The following MTUS2 variants were observed in gnomAD, a reference collection of about 807,000 sequenced individuals.
The protein encoded by MTUS2 is microtubule-associated tumor suppressor candidate 2.
Under a neutral mutation model 114.1 loss-of-function variants are expected in MTUS2, and 40 were observed. The ratio of observed to expected loss-of-function variants is 0.35; its 90% confidence interval spans 0.27 to 0.46. The LOEUF (loss-of-function observed/expected upper bound fraction) is 0.46. MTUS2 is among the 20% of genes least tolerant of loss of function. The probability of loss-of-function intolerance (pLI) is 1.00; values close to 1 mark genes in which losing one functional copy is unlikely to be tolerated. For synonymous variants in MTUS2, 688 were observed against 672.0 expected, an observed-to-expected ratio of 1.02 and a Z score of -0.37; for missense variants, 1,679 against 1,705.4, an observed-to-expected ratio of 0.98 and a Z score of 0.27.
intron 5 of MTUS2, among the ~76,000 whole-genome samples, chr13:29,109,954 T>C (rs542646606): frequency 9.2e-5 from 14 of 152,362 alleles, no homozygotes; most frequent in South Asian, 2.1e-4. Flanking sequence ...TAAAAACATA[T>C]CGTTTTTGAG....
chr13:29,232,557 T>C (rs1896376291), intron 5 of MTUS2, among the ~76,000 whole-genome samples: 1 of 152,224 alleles, frequency 6.6e-6, no homozygotes, highest in Admixed American at 6.5e-5. Flanking sequence ...AAAATATTTT[T>C]GATCTGAAAA....
intron 7 of MTUS2, chr13:29,339,881 C>T (rs983073499): frequency 3.3e-5 from 5 of 152,780 alleles, no homozygotes; most frequent in African/African-American, 1.2e-4. Context: ...GGGCGGCACC[C>T]TGGCCCGGGG....
rs1220736875 is a variant in MTUS2, at chr13:29,390,174, GTGTT to G, written c.3117+30703_3117+30706del. Among the ~76,000 whole-genome samples, 7 of 149,484 alleles carry G rather than the reference GTGTT, an allele frequency of 4.7e-5. 1 individual carries two copies. Among genetic ancestry groups the G allele is most frequent in the Non-Finnish European group, 7.4e-5 (5 of 67,404 alleles). On this transcript the variant is annotated intron_variant, in intron 8 of 15. Coordinates refer to ENST00000612955, the MANE Select transcript of MTUS2 (RefSeq NM_001033602.4). ...TACACACACACACTTGTGTGTGTGT[GTGTT>G]TATGAATATATATTTTTTCTAATGG...
At chr13:28,864,509 A>T (rs75108855) in intron 2 of MTUS2, among the ~76,000 whole-genome samples, 6,717 of 152,278 alleles carry the variant, frequency 0.044, 477 homozygotes, top group African/African-American at 0.15. Context: ...ACAAGTCATA[A>T]TTAACAGAAG....
At chr13:29,063,619 G>A in intron 4 of MTUS2, among the ~76,000 whole-genome samples, 1 of 152,050 alleles carries the variant, frequency 6.6e-6, no homozygotes, top group East Asian at 1.9e-4. Context: ...TAAATAGGAT[G>A]AATCATACCA....
At chr13:29,208,953 A>G (rs1180829749) in intron 5 of MTUS2, among the ~76,000 whole-genome samples, 3 of 152,026 alleles carry the variant, frequency 2.0e-5, no homozygotes, top group African/African-American at 7.2e-5. Flanking sequence ...TTTCTAGGGT[A>G]TAGTTTAAGT....
chr13:29,263,438 G>T (rs903682039), intron 5 of MTUS2, among the ~76,000 whole-genome samples: 1 of 152,120 alleles, frequency 6.6e-6, no homozygotes, highest in African/African-American at 2.4e-5. Context: ...GGATGAATGG[G>T]GAGTAGTGAA....
chr13:29,283,420 C>G (rs1281800922), intron 6 of MTUS2, among the ~76,000 whole-genome samples: 2 of 152,176 alleles, frequency 1.3e-5, no homozygotes, highest in African/African-American at 4.8e-5. Context: ...ATTGAATCAA[C>G]AAATGAATGA....
At chr13:29,403,031 A>AG (rs1874467275) in intron 8 of MTUS2, among the ~76,000 whole-genome samples, 1 of 152,174 alleles carries the variant, frequency 6.6e-6, no homozygotes, top group Non-Finnish European at 1.5e-5. Context: ...CACCGCGCCC[A>AG]GCCCCAGTAC....
Position 29,034,017 on chromosome 13 carries a change from T to C in MTUS2, c.2338T>C (p.Ser780Pro). 6.2e-7 allele frequency: 1 copy of C among 1,614,028 alleles called. No individual in the cohort carries two copies. The highest frequency in any genetic ancestry group is 8.5e-7 in the Non-Finnish European group (1 of 1,179,898). The change falls in exon 4 of 16, where the codon TCT becomes CCT. Residue 780 changes from serine (S) to proline (P), a missense_variant. This residue lies in a region of MTUS2 where 822 missense variants were observed against 899.7 expected (regional missense o/e 0.91). Coordinates refer to ENST00000612955, the MANE Select transcript of MTUS2 (RefSeq NM_001033602.4). ...ATTGGGTGCAATGTCCCGTTTACCA[T>C]CTGCAAAGAGCAGGATTCTGATTGC... ...LGLGAMSRLP[S>P]AKSRILIASQ...
chr13:29,390,332 G>T (rs1873335556), intron 8 of MTUS2, among the ~76,000 whole-genome samples: 1 of 151,920 alleles, frequency 6.6e-6, no homozygotes, highest in South Asian at 2.1e-4. Context: ...AAGAAAAGTG[G>T]ATTTGTAAGA....
chr13:29,296,111 AT>A (rs1266032933), intron 6 of MTUS2, among the ~76,000 whole-genome samples: 1 of 152,320 alleles, frequency 6.6e-6, no homozygotes, highest in African/African-American at 2.4e-5. Context: ...GAGTGCAGAT[AT>A]CTCTTGAACA....
At chr13:29,139,573 C>CTGAG (rs10655481) in intron 5 of MTUS2, among the ~76,000 whole-genome samples, 114,317 of 151,670 alleles carry the variant, frequency 0.75, 43,362 homozygotes, top group African/African-American at 0.81. Context: ...GTTCACTTTA[C>CTGAG]TTAGTCCAAT....
At chr13:28,975,920 A>G (rs1884075277) in intron 2 of MTUS2, among the ~76,000 whole-genome samples, 1 of 152,150 alleles carries the variant, frequency 6.6e-6, no homozygotes, top group Admixed American at 6.5e-5. Flanking sequence ...GAGATGAAAA[A>G]TTCCACTGTG....
intron 5 of MTUS2, among the ~76,000 whole-genome samples, chr13:29,169,822 T>C (rs1233206730): frequency 6.6e-6 from 1 of 151,978 alleles, no homozygotes; most frequent in African/African-American, 2.4e-5. Flanking sequence ...CTACAGGAGG[T>C]AAAGGTGATG....
At chr13:29,072,585 C>A (rs189490715) in intron 4 of MTUS2, among the ~76,000 whole-genome samples, 2 of 152,294 alleles carry the variant, frequency 1.3e-5, no homozygotes, top group Middle Eastern at 3.4e-3. Flanking sequence ...AAATAGAATA[C>A]CTGCTTTAAT....
chr13:29,092,164 G>A (rs1408162411), intron 4 of MTUS2, among the ~76,000 whole-genome samples: 4 of 152,226 alleles, frequency 2.6e-5, no homozygotes, highest in Admixed American at 2.6e-4. Context: ...AAGCCTGAAA[G>A]CCAAGCTACA....
chr13:29,129,754 C>T (rs544320774), intron 5 of MTUS2, among the ~76,000 whole-genome samples: 22 of 152,238 alleles, frequency 1.4e-4, no homozygotes, highest in African/African-American at 5.1e-4. Context: ...GCCCAGCATG[C>T]TGGTTCTCAG....
chr13:29,359,210 T>C, intron 7 of MTUS2, 52 bp from the exon 8 acceptor site: 1 of 1,502,812 alleles, frequency 6.7e-7, no homozygotes, highest in South Asian at 1.2e-5. Context: ...TTGTCACATG[T>C]GTACTGAGTG....
Sources: gnomAD v4.1 joint callset for allele counts (sites outside exome capture counted in the v4.1 genomes callset) on GRCh38, gnomAD v4.1.1 for gene constraint, gnomAD v4.1.1 regional missense constraint, MANE v1.5 for transcripts, NCBI Gene and HGNC (gene_info 2026-07-23, HGNC 2026-07-21) for gene names.